The following LIPH variants were observed in gnomAD, a reference collection of about 807,000 sequenced individuals.
The protein encoded by LIPH is lipase member H.
Under a neutral mutation model 47.6 loss-of-function variants are expected in LIPH, and 32 were observed. The observed-to-expected ratio is 0.67, with a 90% CI of 0.51 to 0.90. The LOEUF (loss-of-function observed/expected upper bound fraction) is 0.90. Ranked by LOEUF, LIPH falls within the 40% of genes least tolerant of loss-of-function variation. The pLI, the probability that LIPH is intolerant of heterozygous loss-of-function variation, is 0.00. For missense variants in LIPH, 497 were observed against 541.4 expected, an observed-to-expected ratio of 0.92 and a Z score of 0.81; for synonymous variants, 190 against 195.6, an observed-to-expected ratio of 0.97 and a Z score of 0.24.
At chr3:185,532,500 A>G (rs1461792478) in intron 3 of LIPH, among the ~76,000 whole-genome samples, 1 of 150,028 alleles carries the variant, frequency 6.7e-6, no homozygotes, top group Non-Finnish European at 1.5e-5. Flanking sequence ...CCCTGTCAAA[A>G]AAAAAAAGGC....
At position 185,507,596 on chromosome 3, in the gene LIPH, A is replaced by G. The variant is rs1719420253; in HGVS notation, c.*1194T>C. 1 of 152,036 alleles carries G rather than the reference A, an allele frequency of 6.6e-6. No homozygotes were observed. The highest frequency in any genetic ancestry group is 2.4e-5 in the African/African-American group (1 of 41,386). The allele number at this position is 152,036 out of a possible 1,614,324, so 9.4% of individuals were successfully genotyped here. ...GGCCTTGGCCTGACAGGACCTCTTG[A>G]CTGGACTCCTGCTGTCATTCTAGAT... On this transcript the variant is annotated 3_prime_UTR_variant, in exon 10 of 10. Transcript: ENST00000296252.
intron 8 of LIPH, among the ~76,000 whole-genome samples, chr3:185,512,003 T>C (rs1473918479): frequency 1.3e-5 from 2 of 152,136 alleles, no homozygotes; most frequent in Non-Finnish European, 2.9e-5. Context: ...CACCAGATGA[T>C]GTCCTTGTCT....
intron 8 of LIPH, among the ~76,000 whole-genome samples, chr3:185,511,915 G>T (rs1719579959): frequency 1.3e-5 from 2 of 150,846 alleles, no homozygotes; most frequent in Non-Finnish European, 1.5e-5. Context: ...GATGGGCAAA[G>T]TCTGCTGACT....
intron 1 of LIPH, among the ~76,000 whole-genome samples, chr3:185,541,870 C>T (rs1050663115): frequency 6.6e-6 from 1 of 151,804 alleles, no homozygotes; most frequent in African/African-American, 2.4e-5. Flanking sequence ...AATTCTCCTA[C>T]CTCAGTCTCC....
rs756754607 is a variant in LIPH at position 185,519,160 on chromosome 3, CT to C, written c.867del (p.Glu290SerfsTer17). 2 of 1,614,000 alleles carry C rather than the reference CT, an allele frequency of 1.2e-6. No individual in the cohort carries two copies. The highest frequency in any genetic ancestry group is 1.7e-6 in the Non-Finnish European group (2 of 1,179,982). ...GKCVSCGTSQ[K>X]ESCPLLGYYA... is the part of the protein sequence containing the mutation. Reference sequence around the variant, plus strand: ...GACTTACCCAGAAGGGGACAGGACTCTTTTTGTGACGTGCCGCAGCTGACAC... The same window carrying C: ...GACTTACCCAGAAGGGGACAGGACTCTTTTGTGACGTGCCGCAGCTGACAC... On this transcript the variant is annotated frameshift_variant, in exon 6 of 10. Coordinates refer to ENST00000296252, the MANE Select transcript of LIPH (RefSeq NM_139248.3). LOFTEE classifies it high-confidence loss of function.
intron 8 of LIPH, among the ~76,000 whole-genome samples, chr3:185,512,779 G>A (rs911743819): frequency 1.4e-5 from 2 of 140,780 alleles, no homozygotes; most frequent in African/African-American, 2.7e-5. Flanking sequence ...ATGAGCCACC[G>A]AGCCTACCCA....
chr3:185,523,336 T>G (rs959007293), intron 5 of LIPH, among the ~76,000 whole-genome samples: 4 of 152,228 alleles, frequency 2.6e-5, no homozygotes, highest in African/African-American at 4.8e-5. Flanking sequence ...ACTACCTGTA[T>G]CTTCTCAGGA....
At chr3:185,545,594 T>C (rs1440765569) in intron 1 of LIPH, among the ~76,000 whole-genome samples, 1 of 152,166 alleles carries the variant, frequency 6.6e-6, no homozygotes, top group Admixed American at 6.6e-5. Flanking sequence ...ATGTCCTAAA[T>C]ACAAATACAG....
intron 1 of LIPH, among the ~76,000 whole-genome samples, chr3:185,549,175 G>T (rs564055555): frequency 2.0e-5 from 3 of 151,812 alleles, no homozygotes; most frequent in Non-Finnish European, 4.4e-5. Context: ...TACCCTGGGC[G>T]GAGACAGGCA....
At chr3:185,551,041 G>A (rs1309179831) in intron 1 of LIPH, among the ~76,000 whole-genome samples, 1 of 152,140 alleles carries the variant, frequency 6.6e-6, no homozygotes, top group Non-Finnish European at 1.5e-5. Flanking sequence ...AGGCGCAGTG[G>A]CGCACTCCTG....
chr3:185,516,716 A>G (rs1719740726), intron 7 of LIPH, among the ~76,000 whole-genome samples: 1 of 151,992 alleles, frequency 6.6e-6, no homozygotes, highest in Admixed American at 6.6e-5. Context: ...ATTTTCTGGA[A>G]GATCTTAGTG....
chr3:185,543,686 C>A (rs1720781523), intron 1 of LIPH, among the ~76,000 whole-genome samples: 1 of 152,272 alleles, frequency 6.6e-6, no homozygotes, highest in African/African-American at 2.4e-5. Context: ...TTTGAGACAG[C>A]CTGGGCAACA....
At chr3:185,547,806 C>T (rs1452092397) in intron 1 of LIPH, among the ~76,000 whole-genome samples, 2 of 137,674 alleles carry the variant, frequency 1.5e-5, no homozygotes. Flanking sequence ...GCCTGGGCAA[C>T]AAGAGCAAAA....
At chr3:185,545,947 G>A (rs1275569446) in intron 1 of LIPH, among the ~76,000 whole-genome samples, 3 of 152,090 alleles carry the variant, frequency 2.0e-5, no homozygotes, top group Admixed American at 2.0e-4. Context: ...CCTGAGGTCA[G>A]GAGTTTGAGA....
intron 1 of LIPH, chr3:185,546,997 T>C (rs138999190): frequency 2.4e-6 from 1 of 421,148 alleles, no homozygotes; most frequent in Non-Finnish European, 4.6e-6. Flanking sequence ...GACAGAATTA[T>C]GGACAGAGGC....
At chr3:185,524,047 A>T (rs1347339406) in intron 5 of LIPH, 24 bp downstream of exon 5, 2 of 1,550,216 alleles carry the variant, frequency 1.3e-6, no homozygotes, top group East Asian at 4.5e-5. Flanking sequence ...TTATACCACT[A>T]TTTTACAAAA....
At chr3:185,523,325 T>C (rs1242219657) in intron 5 of LIPH, among the ~76,000 whole-genome samples, 2 of 152,248 alleles carry the variant, frequency 1.3e-5, no homozygotes, top group Non-Finnish European at 2.9e-5. Flanking sequence ...TTTATATTTA[T>C]ACTACCTGTA....
At chr3:185,509,152 G>A (rs1719475516) in intron 9 of LIPH, among the ~76,000 whole-genome samples, 1 of 151,774 alleles carries the variant, frequency 6.6e-6, no homozygotes. Context: ...TTAGCTGGGT[G>A]TGGTAGTGCG....
intron 1 of LIPH, among the ~76,000 whole-genome samples, chr3:185,536,913 C>G (rs1178888129): frequency 6.6e-6 from 1 of 152,130 alleles, no homozygotes; most frequent in African/African-American, 2.4e-5. Flanking sequence ...GATATGGAGT[C>G]TTGCTCTGTT....
Sources: gnomAD v4.1 joint callset for allele counts (sites outside exome capture counted in the v4.1 genomes callset) on GRCh38, gnomAD v4.1.1 for gene constraint, MANE v1.5 for transcripts, NCBI Gene and HGNC (gene_info 2026-07-23, HGNC 2026-07-21) for gene names.